Variants in FOXK1 observed in about 807,000 individuals in gnomAD.
FOXK1 encodes the protein forkhead box protein K1.
Under a neutral mutation model 51.9 loss-of-function variants are expected in FOXK1, and 19 were observed. The ratio of observed to expected loss-of-function variants is 0.37; its 90% CI spans 0.26 to 0.54. The LOEUF is 0.54. Among genes scored for constraint, FOXK1 ranks in the 20% least tolerant of loss-of-function variants. The pLI is 0.87. For missense variants in FOXK1, 870 were observed against 1,032.7 expected (o/e 0.84, Z 2.16); for synonymous variants, 537 against 482.6 (o/e 1.11, Z -1.48).
chr7:4,742,697 G>C (rs889319110), intron 2 of FOXK1, among the ~76,000 whole-genome samples: 1 of 152,206 alleles, frequency 6.6e-6, no homozygotes, highest in Non-Finnish European at 1.5e-5. Context: ...GGTTACAGGT[G>C]TGAGCCAACA....
At chr7:4,719,725 A>G (rs13231213) in intron 1 of FOXK1, among the ~76,000 whole-genome samples, 53,354 of 151,150 alleles carry the variant, frequency 0.35, 9,882 homozygotes, top group African/African-American at 0.45. Context: ...CAGGTGATCC[A>G]CCCGCTTTGG....
chr7:4,691,101 T>C (rs1055919809), intron 1 of FOXK1, among the ~76,000 whole-genome samples: 4 of 152,142 alleles, frequency 2.6e-5, no homozygotes, highest in African/African-American at 9.7e-5. Context: ...AAACAGAATG[T>C]GCGTAACCAA....
Position 4,731,119 on chromosome 7 carries a change from C to T in FOXK1, c.561-9719C>T, listed in dbSNP as rs990927429. On this transcript the variant is annotated intron_variant, in intron 1 of 8. Coordinates refer to ENST00000328914, the MANE Select transcript of FOXK1 (RefSeq NM_001037165.2). The surrounding 1 kb of genome is among the most constrained non-coding windows in gnomAD (Gnocchi z 5.3). ...TATCTGATGTGGCCCACCCTGGGAC[C>T]GTCACCTGACTTCCTGTCCCTGCAC... is the stretch of plus-strand genomic sequence containing the variant. Among the ~76,000 whole-genome samples the T allele has an allele frequency of 1.4e-4, 22 of 152,334 alleles. No individual in the cohort carries two copies. Among genetic ancestry groups the T allele is most frequent in the East Asian group, 1.9e-4 (1 of 5,174 alleles).
intron 1 of FOXK1, among the ~76,000 whole-genome samples, chr7:4,685,351 A>C (rs1366928879): frequency 6.7e-6 from 1 of 149,466 alleles, no homozygotes; most frequent in Non-Finnish European, 1.5e-5. Flanking sequence ...AGTGGCTGGG[A>C]CTACAGGCGC....
At chr7:4,701,636 T>TAATC (rs1466478967) in intron 1 of FOXK1, among the ~76,000 whole-genome samples, 1 of 152,226 alleles carries the variant, frequency 6.6e-6, no homozygotes, top group Non-Finnish European at 1.5e-5. Flanking sequence ...CTCACGCCTG[T>TAATC]AATCCCAGCA....
At chr7:4,691,816 C>T (rs1056954887) in intron 1 of FOXK1, among the ~76,000 whole-genome samples, 1 of 152,182 alleles carries the variant, frequency 6.6e-6, no homozygotes, top group African/African-American at 2.4e-5. Context: ...GCAAGAGGCC[C>T]TGCCCCTCAG....
chr7:4,685,160 G>A (rs2115025982), intron 1 of FOXK1, among the ~76,000 whole-genome samples: 1 of 150,258 alleles, frequency 6.7e-6, no homozygotes, highest in Admixed American at 6.6e-5. Flanking sequence ...CAAAGCAAAT[G>A]TGCAGAAGGA....
In FOXK1 at chr7:4,743,013, G is replaced by A. The variant is rs142938890; in HGVS notation, c.746+1990G>A. 3.5e-4 allele frequency among the ~76,000 whole-genome samples: 54 copies of A among 152,290 alleles called. 1 individual carries two copies. Among genetic ancestry groups the A allele is most frequent in the Middle Eastern group, 3.4e-3 (1 of 294 alleles). On this transcript the variant is annotated intron_variant, in intron 2 of 8. Transcript: ENST00000328914. The surrounding 1 kb of genome is among the most constrained non-coding windows in gnomAD (Gnocchi z 5.3). ...CATGGTCACCTGTGTGACTCTGTGC[G>A]GTCACTTCAGCCCCCCACCTTCCCG...
In FOXK1 at chr7:4,705,554, T is replaced by TCTCTCG. The variant is rs1554249288; in HGVS notation, c.560+22698_560+22703dup. ...CTCTCTCTCTCTCTCTCTCTCTCTC[T>TCTCTCG]CTCTCGCTCTCGCTCTCTCGTCGCC... On this transcript the variant is annotated intron_variant, in intron 1 of 8. Coordinates refer to ENST00000328914, the MANE Select transcript of FOXK1 (RefSeq NM_001037165.2). 5.2e-3 allele frequency among the ~76,000 whole-genome samples: 689 copies of TCTCTCG among 131,424 alleles called. 8 individuals carry two copies. The highest frequency in any genetic ancestry group is 0.02 in the African/African-American group (629 of 31,636). The allele number at this position is 131,424 out of a possible 152,430, so 86.2% of individuals were successfully genotyped here.
intron 1 of FOXK1, among the ~76,000 whole-genome samples, chr7:4,697,398 T>A (rs1562369678): frequency 1.3e-5 from 2 of 152,234 alleles, no homozygotes; most frequent in Admixed American, 6.5e-5. Context: ...GGCCAGACCC[T>A]GCCAGCTGCC....
rs1305249070 is a variant in FOXK1, at chr7:4,683,331, T to A, written c.560+463T>A. On this transcript the variant is annotated intron_variant, in intron 1 of 8. Coordinates refer to ENST00000328914, the MANE Select transcript of FOXK1 (RefSeq NM_001037165.2). The surrounding 1 kb of genome is among the most constrained non-coding windows in gnomAD (Gnocchi z 4.5). ...GCTCCCATCGGCCTGGACTCCGGGGTCATTCTGAACTCCCACTGGCCTGGA... is the reference window on the plus strand; with the variant it reads ...GCTCCCATCGGCCTGGACTCCGGGGACATTCTGAACTCCCACTGGCCTGGA... 6.6e-6 allele frequency among the ~76,000 whole-genome samples: 1 copy of A among 150,522 alleles called. No individual in the cohort carries two copies. Among genetic ancestry groups the A allele is most frequent in the Admixed American group, 6.6e-5 (1 of 15,128 alleles).
rs111782396 is a variant in FOXK1, at chr7:4,734,008, T to C, written c.561-6830T>C. The stretch of plus-strand genomic sequence containing the variant: ...GAGTCTGCCCTCCACGTGCCGTGGG[T>C]GAAGCTTCACCTGGCGCAGGGAAGG... On this transcript the variant is annotated intron_variant, in intron 1 of 8. Transcript: ENST00000328914. The surrounding 1 kb of genome is among the most constrained non-coding windows in gnomAD (Gnocchi z 5.2). Among the ~76,000 whole-genome samples, 432 of 148,022 alleles carry C rather than the reference T, an allele frequency of 2.9e-3. No individual in the cohort carries two copies. The highest frequency in any genetic ancestry group is 8.6e-3 in the African/African-American group (323 of 37,538).
Position 4,769,110 on chromosome 7 carries a change from C to T in FOXK1, c.*6646C>T, listed in dbSNP as rs1781058952. On this transcript the variant is annotated 3_prime_UTR_variant, in exon 9 of 9. Transcript: ENST00000328914. The surrounding 1 kb of genome is among the most constrained non-coding windows in gnomAD (Gnocchi z 4.1). Reference sequence around the variant, plus strand: ...GGCTGCCCGGAGTATCAGAGAATATCACTAAGAGGGCAGTCAGTTTATTTT... The same window carrying T: ...GGCTGCCCGGAGTATCAGAGAATATTACTAAGAGGGCAGTCAGTTTATTTT... 1 of 152,196 alleles carries T rather than the reference C, an allele frequency of 6.6e-6. No homozygotes were observed. The highest frequency in any genetic ancestry group is 6.5e-5 in the Admixed American group (1 of 15,280). 9.4% of individuals were successfully genotyped at this position (152,196 alleles called of 1,614,324 possible).
chr7:4,699,257 A>G (rs2115033908), intron 1 of FOXK1, among the ~76,000 whole-genome samples: 1 of 145,692 alleles, frequency 6.9e-6, no homozygotes, highest in South Asian at 2.2e-4. Flanking sequence ...TGGCCGTGGG[A>G]CTCGTGGGGT....
Position 4,743,312 on chromosome 7 carries a change from G to T in FOXK1, c.746+2289G>T, listed in dbSNP as rs1185962926. On this transcript the variant is annotated intron_variant, in intron 2 of 8. Transcript: ENST00000328914. The surrounding 1 kb of genome is among the most constrained non-coding windows in gnomAD (Gnocchi z 5.3). ...TCACACTGGTAATGCCAGCACTGTG[G>T]GAGGCCAAGGCGGGTGGATCACTTG... is the stretch of plus-strand genomic sequence containing the variant. Among the ~76,000 whole-genome samples the T allele has an allele frequency of 1.3e-5, 2 of 152,190 alleles. No homozygotes were observed. The highest frequency in any genetic ancestry group is 1.3e-4 in the Admixed American group (2 of 15,276).
chr7:4,766,195 C>T lies in FOXK1; in HGVS notation c.*3731C>T, dbSNP rs1448615216. ...TGCTTGCTTTCTACATTCCTAAAAA[C>T]CTCAACGTTAATCCCTCACCAGTCG... On this transcript the variant is annotated 3_prime_UTR_variant, in exon 9 of 9. Transcript: ENST00000328914. The surrounding 1 kb of genome is among the most constrained non-coding windows in gnomAD (Gnocchi z 5.5). 1 of 152,112 alleles carries T rather than the reference C, an allele frequency of 6.6e-6. No homozygotes were observed. The highest frequency in any genetic ancestry group is 2.4e-5 in the African/African-American group (1 of 41,374). The allele number at this position is 152,112 out of a possible 1,614,324, so 9.4% of individuals were successfully genotyped here.
chr7:4,736,033 C>T lies in FOXK1; in HGVS notation c.561-4805C>T, dbSNP rs1195930123. ...GCTCTGTGGCGCGTGCCTGTAATCC[C>T]AGCTACTCAGGAGGCTGAGGCAGGA... On this transcript the variant is annotated intron_variant, in intron 1 of 8. Transcript: ENST00000328914. 4.6e-5 allele frequency among the ~76,000 whole-genome samples: 7 copies of T among 152,282 alleles called. No individual in the cohort carries two copies. In the East Asian group the frequency reaches 1.2e-3, roughly 25 times the overall value.
chr7:4,718,531 C>G (rs1371525950), intron 1 of FOXK1, among the ~76,000 whole-genome samples: 2 of 152,162 alleles, frequency 1.3e-5, no homozygotes, highest in Non-Finnish European at 2.9e-5. Flanking sequence ...ATTTTTCGGC[C>G]TACTACAAAT....
Position 4,715,402 on chromosome 7 carries a change from G to A in FOXK1, c.561-25436G>A, listed in dbSNP as rs911625339. 1.3e-5 allele frequency among the ~76,000 whole-genome samples: 2 copies of A among 152,102 alleles called. No homozygotes were observed. The highest frequency in any genetic ancestry group is 2.4e-5 in the African/African-American group (1 of 41,398). On this transcript the variant is annotated intron_variant, in intron 1 of 8. Coordinates refer to ENST00000328914, the MANE Select transcript of FOXK1 (RefSeq NM_001037165.2). The surrounding 1 kb of genome is among the most constrained non-coding windows in gnomAD (Gnocchi z 4.5). ...CCCGTGTACAGGAATGGGATCGCACGGTGGTCCAGATCGTCTGTGCACCCA... is the reference window on the plus strand; with the variant it reads ...CCCGTGTACAGGAATGGGATCGCACAGTGGTCCAGATCGTCTGTGCACCCA...
Sources: allele counts gnomAD v4.1 joint callset (sites outside exome capture counted in the v4.1 genomes callset), GRCh38; gene constraint gnomAD v4.1.1; non-coding constraint Gnocchi (gnomAD v3.1); transcripts MANE v1.5; gene names NCBI Gene and HGNC (gene_info 2026-07-23, HGNC 2026-07-21).